PPIP5K2: variants seen among roughly 807,000 people sequenced by gnomAD.
PPIP5K2 encodes the protein diphosphoinositol pentakisphosphate kinase 2.
PPIP5K2 carries 105 observed loss-of-function variants against 154.6 expected under a neutral mutation model. That is an observed-to-expected ratio of 0.68 (90% confidence interval 0.58 to 0.80). The LOEUF (loss-of-function observed/expected upper bound fraction) is 0.80, where lower values mean the gene tolerates loss of function less well. PPIP5K2 is among the 30% of genes least tolerant of loss of function. The pLI is 0.00. For missense variants in PPIP5K2, 992 were observed against 1,504.6 expected, an observed-to-expected ratio of 0.66 and a Z score of 5.64; for synonymous variants, 480 against 490.3, an observed-to-expected ratio of 0.98 and a Z score of 0.28.
At chr5:103,183,526 A>G (rs905908791) in intron 25 of PPIP5K2, 119 bp downstream of exon 25, 2 of 861,526 alleles carry the variant, frequency 2.3e-6, no homozygotes, top group African/African-American at 1.8e-5. Flanking sequence ...TCTGTTTTTT[A>G]ATTTTGAGTT....
intron 24 of PPIP5K2, among the ~76,000 whole-genome samples, chr5:103,182,948 A>C (rs572711981): frequency 3.9e-5 from 6 of 152,216 alleles, no homozygotes; most frequent in African/African-American, 1.4e-4. Flanking sequence ...ATTATGAAGC[A>C]GTATAAGTAT....
intron 30 of PPIP5K2, among the ~76,000 whole-genome samples, chr5:103,197,868 G>A (rs1370942834): frequency 4.0e-5 from 6 of 151,226 alleles, no homozygotes; most frequent in African/African-American, 4.9e-5. Context: ...GTGAGCCACC[G>A]CACCCAGCCT....
At chr5:103,142,618 CA>C (rs570164522) in intron 5 of PPIP5K2, among the ~76,000 whole-genome samples, 1 of 151,660 alleles carries the variant, frequency 6.6e-6, no homozygotes. Context: ...ACTAAAAATA[CA>C]AAAAAAATTA....
rs781854407 is a variant in PPIP5K2 at position 103,154,697 on chromosome 5, T to C, written c.1245T>C (p.Asp415=). The C allele has an allele frequency of 5.1e-6, 8 of 1,569,808 alleles. No homozygotes were observed. Among genetic ancestry groups the C allele is most frequent in the Non-Finnish European group, 7.0e-6 (8 of 1,150,054 alleles). Residue 415 remains aspartate (D), a synonymous_variant, in exon 12 of 31, where the codon GAT becomes GAC. Coordinates refer to ENST00000358359, the MANE Select transcript of PPIP5K2 (RefSeq NM_001276277.3). Reference sequence around the variant, plus strand: ...TTTTTGATCTTTTTGAAAAGTGTGATGGATATAAATCAGGGAAATTAAAAC... The same window carrying C: ...TTTTTGATCTTTTTGAAAAGTGTGACGGATATAAATCAGGGAAATTAAAAC... ...QKFFDLFEKC[D]GYKSGKLKLK...
At chr5:103,189,200 C>T (rs1800845348) in intron 28 of PPIP5K2, 2 of 1,531,602 alleles carry the variant, frequency 1.3e-6, no homozygotes, top group Admixed American at 3.9e-5. Flanking sequence ...TGGTCCGTTT[C>T]CTCTGTGGAA....
chr5:103,144,789 G>A lies in PPIP5K2; in HGVS notation c.488-1738G>A, dbSNP rs782368591. ...AAATGGATTAAATACTTAAATCTAA[G>A]ACCTGAAGCTATGCAACTACTAAAA... On this transcript the variant is annotated intron_variant, in intron 5 of 30. Coordinates refer to ENST00000358359, the MANE Select transcript of PPIP5K2 (RefSeq NM_001276277.3). 2.0e-5 allele frequency among the ~76,000 whole-genome samples: 3 copies of A among 152,070 alleles called. No homozygotes were observed. In the East Asian group the frequency reaches 5.8e-4, roughly 29 times the overall value.
rs560298259 is a variant in PPIP5K2 at position 103,159,148 on chromosome 5, G to A, written c.1740G>A (p.Gly580=). Residue 580 remains glycine (G), a splice_region_variant and synonymous_variant, in exon 17 of 31, where the codon GGG becomes GGA. Coordinates refer to ENST00000358359, the MANE Select transcript of PPIP5K2 (RefSeq NM_001276277.3). ...VQMTAAAFAK[G]LLALEGELTP... is the part of the protein sequence containing the mutation. ...TTTTCTTTATTTAATATGCTTAGGG[G>A]CTTTTAGCTTTGGAAGGAGAGCTTA... 1.6e-5 allele frequency: 25 copies of A among 1,565,096 alleles called. No individual in the cohort carries two copies. In the African/African-American group the frequency reaches 3.4e-4, roughly 22 times the overall value.
At position 103,209,043 on chromosome 5, in the gene PPIP5K2, A is replaced by G. The variant is rs1238966264; in HGVS notation, c.*7409A>G. 2 of 152,222 alleles carry G rather than the reference A, an allele frequency of 1.3e-5. No homozygotes were observed. The highest frequency in any genetic ancestry group is 2.4e-5 in the African/African-American group (1 of 41,466). The allele number at this position is 152,222 out of a possible 1,614,324, so 9.4% of individuals were successfully genotyped here. On this transcript the variant is annotated 3_prime_UTR_variant, in exon 31 of 31. Transcript: ENST00000358359. ...TCTCTTTAGACTGCCCATCTCAATTATATTTTAAAAATGAAGTTAATATCT... is the reference window on the plus strand; with the variant it reads ...TCTCTTTAGACTGCCCATCTCAATTGTATTTTAAAAATGAAGTTAATATCT...
chr5:103,166,851 A>G (rs1314909838), intron 17 of PPIP5K2, among the ~76,000 whole-genome samples: 2 of 151,976 alleles, frequency 1.3e-5, no homozygotes, highest in South Asian at 2.1e-4. Context: ...AGAGGTCTTC[A>G]TCTTTATTTT....
intron 21 of PPIP5K2, among the ~76,000 whole-genome samples, chr5:103,175,646 A>C (rs1798595580): frequency 6.6e-6 from 1 of 152,094 alleles, no homozygotes; most frequent in Non-Finnish European, 1.5e-5. Flanking sequence ...AAGCCATTTA[A>C]AGGTTTTAAG....
Position 103,207,377 on chromosome 5 carries a change from C to G in PPIP5K2, c.*5743C>G, listed in dbSNP as rs1353579002. On this transcript the variant is annotated 3_prime_UTR_variant, in exon 31 of 31. Coordinates refer to ENST00000358359, the MANE Select transcript of PPIP5K2 (RefSeq NM_001276277.3). ...CTAGTTAAGAACCACTGCCCTAAAG[C>G]ACATGATTCTGTGGAAAAGAAGGAT... is the stretch of plus-strand genomic sequence containing the variant. 4 of 152,106 alleles carry G rather than the reference C, an allele frequency of 2.6e-5. No homozygotes were observed. The highest frequency in any genetic ancestry group is 9.7e-5 in the African/African-American group (4 of 41,422). 9.4% of individuals were successfully genotyped at this position (152,106 alleles called of 1,614,324 possible). A position where few individuals can be genotyped will look rare whatever the true frequency, so the allele number is the denominator to read the frequency against.
In PPIP5K2 at chr5:103,168,308, T is replaced by G; in HGVS notation, c.2286+13T>G. 1 of 1,534,564 alleles carries G rather than the reference T, an allele frequency of 6.5e-7. No individual in the cohort carries two copies. Among genetic ancestry groups the G allele is most frequent in the East Asian group, 2.3e-5 (1 of 44,064 alleles). ...TGTTATCCCTCAGGTAAGTCATTCT[T>G]AAGAATCAATTTCTTATAATATTGA... On this transcript the variant is annotated intron_variant, in intron 19 of 30. Transcript: ENST00000358359.
Position 103,202,163 on chromosome 5 carries a change from A to G in PPIP5K2, c.*529A>G, listed in dbSNP as rs1382756133. On this transcript the variant is annotated 3_prime_UTR_variant, in exon 31 of 31. Coordinates refer to ENST00000358359, the MANE Select transcript of PPIP5K2 (RefSeq NM_001276277.3). Reference sequence around the variant, plus strand: ...TGCTGCAATATTTAACAACTGGAGTATTAGCCACATGGGTTATTTTTTCAA... The same window carrying G: ...TGCTGCAATATTTAACAACTGGAGTGTTAGCCACATGGGTTATTTTTTCAA... 1 of 152,640 alleles carries G rather than the reference A, an allele frequency of 6.6e-6. No individual in the cohort carries two copies. The highest frequency in any genetic ancestry group is 1.5e-5 in the Non-Finnish European group (1 of 68,036). The allele number at this position is 152,640 out of a possible 1,614,324, so 9.5% of individuals were successfully genotyped here. A position where few individuals can be genotyped will look rare whatever the true frequency, so the allele number is the denominator to read the frequency against.
intron 1 of PPIP5K2, among the ~76,000 whole-genome samples, chr5:103,125,225 T>C (rs1562355476): frequency 6.6e-6 from 1 of 152,226 alleles, no homozygotes; most frequent in African/African-American, 2.4e-5. Context: ...ATCATTTTGA[T>C]TTAAGTGATG....
intron 17 of PPIP5K2, among the ~76,000 whole-genome samples, chr5:103,165,835 A>C (rs1356435165): frequency 6.6e-6 from 1 of 152,126 alleles, no homozygotes; most frequent in Non-Finnish European, 1.5e-5. Flanking sequence ...ACCAATAATT[A>C]ACAGCAGAAA....
rs1803871629 is a variant in PPIP5K2 at position 103,212,775 on chromosome 5, T to A, written c.*11141T>A. On this transcript the variant is annotated 3_prime_UTR_variant, in exon 31 of 31. Coordinates refer to ENST00000358359, the MANE Select transcript of PPIP5K2 (RefSeq NM_001276277.3). ...GTCATCTGTAATCTCATTACCCAAG[T>A]AAAACTGTTTTCATTTTTCCATTAT... 6.6e-6 allele frequency: 1 copy of A among 152,124 alleles called. No individual in the cohort carries two copies. The highest frequency in any genetic ancestry group is 1.5e-5 in the Non-Finnish European group (1 of 67,974). The allele number at this position is 152,124 out of a possible 1,614,324, so 9.4% of individuals were successfully genotyped here.
At position 103,190,939 on chromosome 5, in the gene PPIP5K2, T is replaced by C. The variant is rs370380366; in HGVS notation, c.3450T>C (p.Ile1150=). The change falls in exon 29 of 31, where the codon ATT becomes ATC. Residue 1150 remains isoleucine, a synonymous_variant. Coordinates refer to ENST00000358359, the MANE Select transcript of PPIP5K2 (RefSeq NM_001276277.3). ...LKQVDEFLAS[I]ASPSSDVPRK... The stretch of plus-strand genomic sequence containing the variant: ...AAGTGGATGAATTTCTTGCTTCCAT[T>C]GCTTCTCCATCATCTGACGTTCCAC... 5.6e-6 allele frequency: 9 copies of C among 1,610,740 alleles called. No individual in the cohort carries two copies. Among genetic ancestry groups the C allele is most frequent in the African/African-American group, 1.3e-5 (1 of 74,700 alleles).
At chr5:103,153,600 T>A (rs541653993) in intron 10 of PPIP5K2, among the ~76,000 whole-genome samples, 1 of 152,068 alleles carries the variant, frequency 6.6e-6, no homozygotes, top group South Asian at 2.1e-4. Flanking sequence ...TAGCCATTTC[T>A]AGAGAAGAAA....
intron 19 of PPIP5K2, among the ~76,000 whole-genome samples, chr5:103,170,545 T>A (rs1797820396): frequency 6.6e-6 from 1 of 151,588 alleles, no homozygotes; most frequent in African/African-American, 2.4e-5. Context: ...AAAGGTCTTT[T>A]TATATGCTTC....
Sources: gnomAD v4.1 joint callset for allele counts (sites outside exome capture counted in the v4.1 genomes callset) on GRCh38, gnomAD v4.1.1 for gene constraint, MANE v1.5 for transcripts, NCBI Gene and HGNC (gene_info 2026-07-23, HGNC 2026-07-21) for gene names.